LRBA: variants seen among roughly 807,000 people sequenced by gnomAD.
LRBA encodes LPS responsive beige-like anchor protein.
In LRBA, 176 loss-of-function variants were observed where a neutral mutation model predicts 330.0. The ratio of observed to expected loss-of-function variants is 0.53; its 90% confidence interval spans 0.47 to 0.60. LRBA has a LOEUF of 0.60. Ranked by LOEUF, LRBA falls within the 20% of genes least tolerant of loss-of-function variation. The probability of loss-of-function intolerance (pLI) is 0.00; values close to 1 mark genes in which losing one functional copy is unlikely to be tolerated. For missense variants in LRBA, 3,259 were observed against 3,444.8 expected, an observed-to-expected ratio of 0.95 and a Z score of 1.35; for synonymous variants, 1,230 against 1,193.0, an observed-to-expected ratio of 1.03 and a Z score of -0.64.
rs1024127630 is a variant in LRBA at position 150,265,185 on chromosome 4, A to G, written c.*537T>C. On this transcript the variant is annotated 3_prime_UTR_variant, in exon 57 of 57. Coordinates refer to ENST00000651943, the MANE Select transcript of LRBA (RefSeq NM_001364905.1). Reference sequence around the variant, plus strand: ...TAGGTCTAAAACATGCTTGAAGAACAATATTGATAGACAGACTTAATTGAG... The same window carrying G: ...TAGGTCTAAAACATGCTTGAAGAACGATATTGATAGACAGACTTAATTGAG... 6.5e-6 allele frequency: 1 copy of G among 154,176 alleles called. No individual in the cohort carries two copies. The highest frequency in any genetic ancestry group is 2.4e-5 in the African/African-American group (1 of 41,460). The allele number at this position is 154,176 out of a possible 1,614,324, so 9.6% of individuals were successfully genotyped here.
Position 150,915,533 on chromosome 4 carries a change from T to G in LRBA, c.1014+75A>C, listed in dbSNP as rs189810117. ...TACTTTGAATTTTATATTCAAGTTG[T>G]AAAACTTTTTCTTGTTTAAAAAGCT... On this transcript the variant is annotated intron_variant, in intron 8 of 56. Coordinates refer to ENST00000651943, the MANE Select transcript of LRBA (RefSeq NM_001364905.1). 1.1e-4 allele frequency: 149 copies of G among 1,350,480 alleles called. 1 individual carries two copies. The Admixed American group carries it at 3.5e-3, about 31-fold the overall frequency. The allele number at this position is 1,350,480 out of a possible 1,614,324, so 83.7% of individuals were successfully genotyped here. A position where few individuals can be genotyped will look rare whatever the true frequency, so the allele number is the denominator to read the frequency against.
At chr4:150,319,088 GTCA>G (rs1732119602) in intron 50 of LRBA, among the ~76,000 whole-genome samples, 1 of 152,162 alleles carries the variant, frequency 6.6e-6, no homozygotes, top group Non-Finnish European at 1.5e-5. Flanking sequence ...CAGAAGCTTA[GTCA>G]TCAACGCGTA....
At chr4:150,281,634 C>G (rs574586957) in intron 55 of LRBA, among the ~76,000 whole-genome samples, 2 of 152,216 alleles carry the variant, frequency 1.3e-5, no homozygotes, top group African/African-American at 4.8e-5. Flanking sequence ...CCTACTCCTG[C>G]CCCCAACATG....
chr4:150,787,928 C>T (rs948146069), intron 34 of LRBA, among the ~76,000 whole-genome samples: 2 of 152,122 alleles, frequency 1.3e-5, no homozygotes, highest in Admixed American at 1.3e-4. Flanking sequence ...CTTTGATATG[C>T]TGATTTCCTT....
chr4:150,568,223 A>G (rs896781857), intron 40 of LRBA, among the ~76,000 whole-genome samples: 93 of 152,294 alleles, frequency 6.1e-4, no homozygotes, highest in African/African-American at 2.2e-3. Flanking sequence ...TGTGGCATCC[A>G]ATGATAGATG....
At chr4:150,413,691 T>C (rs1468093092) in intron 47 of LRBA, among the ~76,000 whole-genome samples, 2 of 152,198 alleles carry the variant, frequency 1.3e-5, no homozygotes, top group East Asian at 3.8e-4. Flanking sequence ...AAAGCTGGAA[T>C]GTAGTGGCAG....
chr4:150,654,167 T>A (rs1779959675), intron 37 of LRBA, among the ~76,000 whole-genome samples: 1 of 152,138 alleles, frequency 6.6e-6, no homozygotes, highest in Non-Finnish European at 1.5e-5. Context: ...AAAACAAGGT[T>A]TATTGAGAAA....
chr4:150,940,276 C>A (rs1430655033), intron 2 of LRBA, among the ~76,000 whole-genome samples: 1 of 150,998 alleles, frequency 6.6e-6, no homozygotes, highest in Non-Finnish European at 1.5e-5. Flanking sequence ...GTGGCACATG[C>A]CAATAGTCCA....
At chr4:150,967,381 G>A (rs1053297054) in intron 2 of LRBA, among the ~76,000 whole-genome samples, 12 of 152,284 alleles carry the variant, frequency 7.9e-5, no homozygotes, top group African/African-American at 2.9e-4. Context: ...TATCCAGAAG[G>A]AGTTTTAATA....
At chr4:150,951,162 A>G (rs1185917412) in intron 2 of LRBA, among the ~76,000 whole-genome samples, 1 of 152,194 alleles carries the variant, frequency 6.6e-6, no homozygotes, top group Non-Finnish European at 1.5e-5. Context: ...GCCTGGTCCT[A>G]TGAACCAATC....
chr4:150,409,222 G>A (rs1164782007), intron 47 of LRBA, among the ~76,000 whole-genome samples: 1 of 151,914 alleles, frequency 6.6e-6, no homozygotes, highest in South Asian at 2.1e-4. Context: ...CCAATCAGAG[G>A]GCTAGAACAG....
chr4:150,811,578 C>T (rs954697730), intron 31 of LRBA, among the ~76,000 whole-genome samples: 3 of 152,130 alleles, frequency 2.0e-5, no homozygotes, highest in Non-Finnish European at 4.4e-5. Flanking sequence ...TCATAGCTCA[C>T]CACAGCCCTG....
At chr4:150,802,010 T>A (rs1275757199) in intron 33 of LRBA, among the ~76,000 whole-genome samples, 2 of 61,128 alleles carry the variant, frequency 3.3e-5, no homozygotes, top group African/African-American at 8.4e-5. Context: ...TCTCTATAAA[T>A]AAATAAATAA....
At chr4:150,340,405 ACT>A (rs2127008262) in intron 48 of LRBA, among the ~76,000 whole-genome samples, 1 of 152,332 alleles carries the variant, frequency 6.6e-6, no homozygotes, top group South Asian at 2.1e-4. Flanking sequence ...GTTTTCTCAT[ACT>A]GCACCAACAT....
chr4:150,736,775 A>T (rs1483992223), intron 35 of LRBA, among the ~76,000 whole-genome samples: 1 of 152,236 alleles, frequency 6.6e-6, no homozygotes, highest in African/African-American at 2.4e-5. Context: ...GTTTTTAAGG[A>T]TACCCTGCTT....
intron 45 of LRBA, among the ~76,000 whole-genome samples, chr4:150,436,211 T>C (rs1296396242): frequency 6.6e-6 from 1 of 152,206 alleles, no homozygotes; most frequent in African/African-American, 2.4e-5. Context: ...CCTGTATCCT[T>C]CTAACAAGCT....
chr4:150,331,982 T>A lies in LRBA; in HGVS notation c.7363-6084A>T, dbSNP rs577554893. Reference sequence around the variant, plus strand: ...TGTGATAATAACTGTCAATATTTTATTGAGTTGTGAGGATTAAATGAGATA... The same window carrying A: ...TGTGATAATAACTGTCAATATTTTAATGAGTTGTGAGGATTAAATGAGATA... On this transcript the variant is annotated intron_variant, in intron 48 of 56. Transcript: ENST00000651943. 9.2e-5 allele frequency among the ~76,000 whole-genome samples: 14 copies of A among 152,344 alleles called. No homozygotes were observed. The South Asian group carries it at 2.5e-3, about 27-fold the overall frequency.
rs1236841457 is a variant in LRBA, at chr4:150,310,115, T to C, written c.7849+114A>G. On this transcript the variant is annotated intron_variant, in intron 52 of 56. Coordinates refer to ENST00000651943, the MANE Select transcript of LRBA (RefSeq NM_001364905.1). ...AAACAATGCCCTCTTCTCCCTATTT[T>C]GTAAATTTTAGGATTTTGTAATTTT... The C allele has an allele frequency of 1.6e-5, 11 of 676,322 alleles. No individual in the cohort carries two copies. In the South Asian group the frequency reaches 2.0e-4, roughly 12 times the overall value. The allele number at this position is 676,322 out of a possible 1,614,324, so 41.9% of individuals were successfully genotyped here. A position where few individuals can be genotyped will look rare whatever the true frequency, so the allele number is the denominator to read the frequency against.
rs139574632 is a variant in LRBA at position 150,574,791 on chromosome 4, A to C, written c.6330+13257T>G. Among the ~76,000 whole-genome samples the C allele has an allele frequency of 2.0e-5, 3 of 152,168 alleles. No individual in the cohort carries two copies. The East Asian group carries it at 5.8e-4, about 29-fold the overall frequency. On this transcript the variant is annotated intron_variant, in intron 40 of 56. Transcript: ENST00000651943. The stretch of plus-strand genomic sequence containing the variant: ...ACAAATATTAGAAATAGAAGGCCCA[A>C]TTAAGTATGGTTGGAATCCTTTACT...
Sources: allele counts gnomAD v4.1 joint callset (sites outside exome capture counted in the v4.1 genomes callset), GRCh38; gene constraint gnomAD v4.1.1; transcripts MANE v1.5; gene names NCBI Gene and HGNC (gene_info 2026-07-23, HGNC 2026-07-21).